KCNQ1: variants seen among roughly 807,000 people sequenced by gnomAD.
KCNQ1 encodes potassium voltage-gated channel subfamily KQT member 1.
KCNQ1 carries 49 observed loss-of-function variants against 72.4 expected under a neutral mutation model. The observed-to-expected ratio is 0.68, with a 90% CI of 0.54 to 0.86. KCNQ1 has a LOEUF of 0.86. KCNQ1 is among the 40% of genes least tolerant of loss of function. The probability of loss-of-function intolerance (pLI) is 0.00; values close to 1 mark genes in which losing one functional copy is unlikely to be tolerated. For missense variants in KCNQ1, 790 were observed against 945.1 expected, an observed-to-expected ratio of 0.84 and a Z score of 2.15; for synonymous variants, 450 against 412.6, an observed-to-expected ratio of 1.09 and a Z score of -1.10.
intron 1 of KCNQ1, among the ~76,000 whole-genome samples, chr11:2,455,644 C>G (rs759057907): frequency 4.6e-5 from 7 of 152,216 alleles, no homozygotes; most frequent in African/African-American, 1.4e-4. Flanking sequence ...CGGCCCAAAG[C>G]AATCTACAGA....
At chr11:2,758,164 T>G (rs953789700) in intron 11 of KCNQ1, among the ~76,000 whole-genome samples, 5 of 152,134 alleles carry the variant, frequency 3.3e-5, no homozygotes, top group Admixed American at 3.3e-4. Flanking sequence ...AAGCCACATA[T>G]TTGACACCTG....
In KCNQ1 at chr11:2,682,949, A is replaced by T; in HGVS notation, c.1514+20868A>T. On this transcript the variant is annotated intron_variant, in intron 11 of 15. Transcript: ENST00000155840. The surrounding 1 kb of genome is among the most constrained non-coding windows in gnomAD (Gnocchi z 5.8). ...CTCAGGTCTGTGTGGAAGAAAGGAC[A>T]GGAGTCCTTCTGCCACCCAGACTGT... 1 of 398,610 alleles carries T rather than the reference A, an allele frequency of 2.5e-6. No individual in the cohort carries two copies. The highest frequency in any genetic ancestry group is 3.6e-5 in the East Asian group (1 of 28,066). 24.7% of individuals were successfully genotyped at this position (398,610 alleles called of 1,614,324 possible). A position where few individuals can be genotyped will look rare whatever the true frequency, so the allele number is the denominator to read the frequency against.
At chr11:2,472,621 G>A (rs76534570) in intron 1 of KCNQ1, among the ~76,000 whole-genome samples, 3,106 of 150,404 alleles carry the variant, frequency 0.021, 116 homozygotes, top group African/African-American at 0.073. Context: ...GGTGTCATGC[G>A]GGGCTTTCTG....
At chr11:2,557,871 A>G (rs1848095505) in intron 2 of KCNQ1, among the ~76,000 whole-genome samples, 1 of 152,230 alleles carries the variant, frequency 6.6e-6, no homozygotes, top group Non-Finnish European at 1.5e-5. Context: ...AACCCTAGTA[A>G]TGGAGTTGTT....
intron 11 of KCNQ1, among the ~76,000 whole-genome samples, chr11:2,765,920 C>A (rs1474875217): frequency 6.6e-6 from 1 of 152,164 alleles, no homozygotes; most frequent in Non-Finnish European, 1.5e-5. Flanking sequence ...ATAATGTATG[C>A]AATCTACCAT....
chr11:2,726,822 C>T (rs763763953), intron 11 of KCNQ1, among the ~76,000 whole-genome samples: 22 of 152,328 alleles, frequency 1.4e-4, no homozygotes, highest in African/African-American at 4.3e-4. Context: ...AGGTATCCCC[C>T]GTGCCCCACT....
intron 10 of KCNQ1, chr11:2,616,683 T>C (rs1849069924): frequency 5.0e-6 from 2 of 398,112 alleles, no homozygotes; most frequent in Admixed American, 4.4e-5. Context: ...TTTCCCTGAA[T>C]TTGTTAATTT....
At chr11:2,825,516 CA>C (rs927093921) in intron 15 of KCNQ1, among the ~76,000 whole-genome samples, 1 of 152,232 alleles carries the variant, frequency 6.6e-6, no homozygotes, top group Non-Finnish European at 1.5e-5. Context: ...GGGCCCCGCC[CA>C]TGTGCCTGGA....
intron 1 of KCNQ1, among the ~76,000 whole-genome samples, chr11:2,499,467 A>G (rs1358704631): frequency 1.3e-5 from 2 of 151,846 alleles, no homozygotes; most frequent in Admixed American, 6.6e-5. Context: ...CAATAATAAT[A>G]TTAAATGTAA....
In KCNQ1 at chr11:2,654,348, G is replaced by A. The variant is rs1401302314; in HGVS notation, c.1394-7613G>A. 2.5e-6 allele frequency: 1 copy of A among 398,620 alleles called. No homozygotes were observed. The highest frequency in any genetic ancestry group is 4.4e-5 in the Admixed American group (1 of 22,714). The allele number at this position is 398,620 out of a possible 1,614,324, so 24.7% of individuals were successfully genotyped here. A position where few individuals can be genotyped will look rare whatever the true frequency, so the allele number is the denominator to read the frequency against. On this transcript the variant is annotated intron_variant, in intron 10 of 15. Coordinates refer to ENST00000155840, the MANE Select transcript of KCNQ1 (RefSeq NM_000218.3). The surrounding 1 kb of genome is among the most constrained non-coding windows in gnomAD (Gnocchi z 6.4). ...GGGGGCTTCTACTTGCAAAGGATAGGGAGAGCTTCTGTTCATCCTTGTGAA... is the reference window on the plus strand; with the variant it reads ...GGGGGCTTCTACTTGCAAAGGATAGAGAGAGCTTCTGTTCATCCTTGTGAA...
chr11:2,808,088 G>T lies in KCNQ1; in HGVS notation c.1794+30051G>T, dbSNP rs191485053. Among the ~76,000 whole-genome samples, 2 of 152,308 alleles carry T rather than the reference G, an allele frequency of 1.3e-5. No homozygotes were observed. Among genetic ancestry groups the T allele is most frequent in the South Asian group, 4.1e-4 (2 of 4,824 alleles). ...TGGCAAGTGAAGGCGGCTGCTTCCCGCCCCTCTCATGGACACCACTGTGGG... is the reference window on the plus strand; with the variant it reads ...TGGCAAGTGAAGGCGGCTGCTTCCCTCCCCTCTCATGGACACCACTGTGGG... On this transcript the variant is annotated intron_variant, in intron 15 of 15. Transcript: ENST00000155840. This position sits in a 1 kb window ranked among gnomAD's most constrained non-coding sequence, Gnocchi z 6.0.
At position 2,471,941 on chromosome 11, in the gene KCNQ1, CGT is replaced by C. The variant is rs1383145854; in HGVS notation, c.386+26462_386+26463del. Among the ~76,000 whole-genome samples, 1 of 138,290 alleles carries C rather than the reference CGT, an allele frequency of 7.2e-6. No individual in the cohort carries two copies. Among genetic ancestry groups the C allele is most frequent in the East Asian group, 2.2e-4 (1 of 4,524 alleles). The allele number at this position is 138,290 out of a possible 152,430, so 90.7% of individuals were successfully genotyped here. A position where few individuals can be genotyped will look rare whatever the true frequency, so the allele number is the denominator to read the frequency against. The stretch of plus-strand genomic sequence containing the variant: ...GTGTGTATAGGCGTGTATGTGTGCG[CGT>C]GTGTAGGTGTGTGTTCATATATATG... On this transcript the variant is annotated intron_variant, in intron 1 of 15. Coordinates refer to ENST00000155840, the MANE Select transcript of KCNQ1 (RefSeq NM_000218.3). The surrounding 1 kb of genome is among the most constrained non-coding windows in gnomAD (Gnocchi z 4.8).
chr11:2,672,190 C>A (rs1850195683), intron 11 of KCNQ1: 2 of 398,534 alleles, frequency 5.0e-6, no homozygotes, highest in Non-Finnish European at 8.8e-6. Flanking sequence ...AGGTTCATGT[C>A]CTGATTTGTT....
At chr11:2,615,053 GTCT>G (rs1357483578) in intron 10 of KCNQ1, 42 of 398,110 alleles carry the variant, frequency 1.1e-4, no homozygotes, top group Non-Finnish European at 5.3e-5. Context: ...ATTTATTTAA[GTCT>G]TCTTTAATTT....
At chr11:2,591,929 C>T (rs576680144) in intron 10 of KCNQ1, among the ~76,000 whole-genome samples, 14 of 152,368 alleles carry the variant, frequency 9.2e-5, no homozygotes, top group Non-Finnish European at 2.1e-4. Context: ...TTGGAGAGCC[C>T]TGGCTTGGGG....
At chr11:2,501,967 C>A (rs1229996596) in intron 1 of KCNQ1, among the ~76,000 whole-genome samples, 1 of 152,120 alleles carries the variant, frequency 6.6e-6, no homozygotes, top group African/African-American at 2.4e-5. Context: ...TCAATTGATG[C>A]TGAAAAAGCA....
intron 11 of KCNQ1, chr11:2,700,011 A>G (rs1850769733): frequency 2.5e-6 from 1 of 398,198 alleles, no homozygotes. Flanking sequence ...AGACTGCGGC[A>G]GCGCTCCGAC....
intron 10 of KCNQ1, among the ~76,000 whole-genome samples, chr11:2,589,654 G>A (rs1160864182): frequency 2.0e-5 from 3 of 152,182 alleles, no homozygotes; most frequent in Admixed American, 6.5e-5. Context: ...TCAGCCACAC[G>A]GCAGGAACAC....
chr11:2,706,583 C>G (rs1850914971), intron 11 of KCNQ1, among the ~76,000 whole-genome samples: 3 of 152,256 alleles, frequency 2.0e-5, no homozygotes, highest in Admixed American at 2.0e-4. Flanking sequence ...TGTCACACAG[C>G]AAAGGCCAGC....
Sources: allele counts gnomAD v4.1 joint callset (sites outside exome capture counted in the v4.1 genomes callset), GRCh38; gene constraint gnomAD v4.1.1; non-coding constraint Gnocchi (gnomAD v3.1); transcripts MANE v1.5; gene names NCBI Gene and HGNC (gene_info 2026-07-23, HGNC 2026-07-21).